The following PXK variants were observed in gnomAD, a reference collection of about 807,000 sequenced individuals.
The protein encoded by PXK is PX domain containing serine/threonine kinase like.
A neutral mutation model predicts 84.7 loss-of-function variants in PXK; 35 were observed. That is an observed-to-expected ratio of 0.41 (90% CI 0.32 to 0.55). The LOEUF is 0.55. PXK is among the 20% of genes least tolerant of loss of function. The pLI, the probability that PXK is intolerant of heterozygous loss-of-function variation, is 0.21. For missense variants in PXK, 634 were observed against 699.7 expected (o/e 0.91, Z 1.06); for synonymous variants, 253 against 260.8 (o/e 0.97, Z 0.29).
chr3:58,345,783 T>C (rs980809699), intron 1 of PXK, among the ~76,000 whole-genome samples: 2 of 152,234 alleles, frequency 1.3e-5, no homozygotes, highest in African/African-American at 4.8e-5. Flanking sequence ...ATTTATGTTA[T>C]TGTTTTATCG....
chr3:58,393,074 T>C (rs1050708777), intron 7 of PXK, among the ~76,000 whole-genome samples: 2 of 151,526 alleles, frequency 1.3e-5, no homozygotes, highest in African/African-American at 4.8e-5. Flanking sequence ...ATAAGCCGAG[T>C]GTGGTGGCTC....
chr3:58,355,076 G>A (rs2098041424), intron 1 of PXK, among the ~76,000 whole-genome samples: 1 of 150,804 alleles, frequency 6.6e-6, no homozygotes, highest in South Asian at 2.1e-4. Context: ...AGTGAGCCAA[G>A]ATTGTGAATT....
At chr3:58,337,546 C>T (rs184452132) in intron 1 of PXK, among the ~76,000 whole-genome samples, 8 of 152,126 alleles carry the variant, frequency 5.3e-5, no homozygotes, top group Admixed American at 1.3e-4. Flanking sequence ...CCACAGCTCA[C>T]GGCAACCTCA....
In PXK at chr3:58,409,769, TTGGGG is replaced by T. The variant is rs1553817693; in HGVS notation, c.1395+152_1395+156del. 1 of 585,496 alleles carries T rather than the reference TTGGGG, an allele frequency of 1.7e-6. No individual in the cohort carries two copies. Among genetic ancestry groups the T allele is most frequent in the Non-Finnish European group, 2.7e-6 (1 of 365,466 alleles). 36.3% of individuals were successfully genotyped at this position (585,496 alleles called of 1,614,324 possible). On this transcript the variant is annotated intron_variant, in intron 15 of 17. Transcript: ENST00000356151. This position sits in a 1 kb window ranked among gnomAD's most constrained non-coding sequence, Gnocchi z 4.2. ...TCCAGATGACTGGGGTGCAGTTTTT[TTGGGG>T]AAAAAAAAAGAGTCATATGATAATC...
At chr3:58,344,593 A>G (rs542410548) in intron 1 of PXK, among the ~76,000 whole-genome samples, 1 of 152,276 alleles carries the variant, frequency 6.6e-6, no homozygotes, top group South Asian at 2.1e-4. Flanking sequence ...GGAAGCCAAG[A>G]TGGGCAGATC....
At chr3:58,386,187 T>C (rs1560017475) in intron 4 of PXK, among the ~76,000 whole-genome samples, 1 of 151,922 alleles carries the variant, frequency 6.6e-6, no homozygotes, top group African/African-American at 2.4e-5. Context: ...TCATTTGAAT[T>C]AGAAAGTCTA....
rs921607521 is a variant in PXK, at chr3:58,383,966, CAG to C, written c.388+1268_388+1269del. Among the ~76,000 whole-genome samples the C allele has an allele frequency of 2.0e-5, 3 of 152,206 alleles. No homozygotes were observed. The highest frequency in any genetic ancestry group is 4.1e-4 in the South Asian group (2 of 4,828). On this transcript the variant is annotated intron_variant, in intron 4 of 17. Transcript: ENST00000356151. The surrounding 1 kb of genome is among the most constrained non-coding windows in gnomAD (Gnocchi z 4.0). ...ATATTCCTATTTCAGAGAGGGGAAA[CAG>C]ATGTCTACTTGGCAGGCACCAAGTT...
chr3:58,350,454 T>G (rs907804768), intron 1 of PXK, among the ~76,000 whole-genome samples: 2 of 152,310 alleles, frequency 1.3e-5, no homozygotes, highest in Admixed American at 6.5e-5. Flanking sequence ...CCCCCTGACT[T>G]GATAGACTGG....
chr3:58,354,496 G>C (rs1435492763), intron 1 of PXK, among the ~76,000 whole-genome samples: 22 of 151,008 alleles, frequency 1.5e-4, no homozygotes, highest in Non-Finnish European at 1.3e-4. Flanking sequence ...TCACAGGCTG[G>C]AGTGCAGTGG....
intron 4 of PXK, among the ~76,000 whole-genome samples, chr3:58,389,300 A>AGATGG (rs1178626342): frequency 6.6e-6 from 1 of 152,304 alleles, no homozygotes; most frequent in East Asian, 1.9e-4. Context: ...CTATAATTCC[A>AGATGG]GATGGGATAA....
chr3:58,387,514 T>C (rs1470082205), intron 4 of PXK, among the ~76,000 whole-genome samples: 1 of 152,118 alleles, frequency 6.6e-6, no homozygotes, highest in Non-Finnish European at 1.5e-5. Flanking sequence ...AGGGAGCACC[T>C]TGGGGAAGGA....
chr3:58,336,815 T>G (rs2097624394), intron 1 of PXK, among the ~76,000 whole-genome samples: 1 of 152,104 alleles, frequency 6.6e-6, no homozygotes. Flanking sequence ...GTTTTCTCCT[T>G]TTTTTGGGGG....
chr3:58,423,099 A>G (rs1345584286), intron 17 of PXK: 4 of 985,326 alleles, frequency 4.1e-6, no homozygotes, highest in Non-Finnish European at 4.8e-6. Flanking sequence ...CAAGAGACTC[A>G]GTTCCAAAAA....
rs1002116866 is a variant in PXK, at chr3:58,395,855, G to A, written c.822+96G>A. ...TTAAGTAATATCCAAAATTACTTAAGTTGTCTGATTACTTATAAACTGATT... is the reference window on the plus strand; with the variant it reads ...TTAAGTAATATCCAAAATTACTTAAATTGTCTGATTACTTATAAACTGATT... On this transcript the variant is annotated intron_variant, in intron 9 of 17. Coordinates refer to ENST00000356151, the MANE Select transcript of PXK (RefSeq NM_017771.5). 18 of 987,164 alleles carry A rather than the reference G, an allele frequency of 1.8e-5. No homozygotes were observed. In the African/African-American group the frequency reaches 2.7e-4, roughly 15 times the overall value. The allele number at this position is 987,164 out of a possible 1,614,324, so 61.2% of individuals were successfully genotyped here.
chr3:58,334,811 T>C (rs2097556556), intron 1 of PXK, among the ~76,000 whole-genome samples: 1 of 152,238 alleles, frequency 6.6e-6, no homozygotes, highest in South Asian at 2.1e-4. Flanking sequence ...TCAACCTTAC[T>C]ATGCCTCTTT....
intron 3 of PXK, among the ~76,000 whole-genome samples, chr3:58,380,603 G>T (rs900897659): frequency 2.0e-5 from 3 of 151,916 alleles, no homozygotes; most frequent in Non-Finnish European, 4.4e-5. Flanking sequence ...TTGATGTCAG[G>T]AGTTCGAGAC....
At chr3:58,386,386 C>T (rs568297972) in intron 4 of PXK, among the ~76,000 whole-genome samples, 53 of 147,370 alleles carry the variant, frequency 3.6e-4, no homozygotes, top group African/African-American at 1.3e-3. Flanking sequence ...ACCTCAGCCC[C>T]CCAGTTCAAG....
chr3:58,359,088 A>G (rs999564097), intron 1 of PXK, among the ~76,000 whole-genome samples: 3 of 152,186 alleles, frequency 2.0e-5, no homozygotes, highest in Non-Finnish European at 4.4e-5. Context: ...CATGCTCACA[A>G]TTGGCAGCAA....
In PXK at chr3:58,339,192, TTTG is replaced by T. The variant is rs545872307; in HGVS notation, c.102+6112_102+6114del. The stretch of plus-strand genomic sequence containing the variant: ...TCTTCCTATTGAAGACGTTGGTTTT[TTTG>T]TTGTTGTTGGGTTTTGTGGGGGGTT... On this transcript the variant is annotated intron_variant, in intron 1 of 17. Transcript: ENST00000356151. 9.1e-4 allele frequency among the ~76,000 whole-genome samples: 139 copies of T among 152,012 alleles called. 2 individuals carry two copies. Among genetic ancestry groups the T allele is most frequent in the East Asian group, 7.5e-3 (39 of 5,180 alleles).
Sources: gnomAD v4.1 joint callset for allele counts (sites outside exome capture counted in the v4.1 genomes callset) on GRCh38, gnomAD v4.1.1 for gene constraint, Gnocchi (gnomAD v3.1) non-coding constraint, MANE v1.5 for transcripts, NCBI Gene and HGNC (gene_info 2026-07-23, HGNC 2026-07-21) for gene names.